Variants in CREG2 observed in about 807,000 individuals in gnomAD.
CREG2 encodes protein CREG2.
CREG2 carries 24 observed loss-of-function variants against 26.2 expected under a neutral mutation model. The ratio of observed to expected loss-of-function variants is 0.92; its 90% confidence interval spans 0.66 to 1.29. The LOEUF is 1.29. Ranked by LOEUF, CREG2 falls within the 50% of genes most tolerant of loss-of-function variation. The pLI is 0.00. For synonymous variants in CREG2, 174 were observed against 169.2 expected (o/e 1.03, Z -0.22); for missense variants, 366 against 398.6 (o/e 0.92, Z 0.70).
At chr2:101,359,497 T>C (rs1684509876) in intron 2 of CREG2, among the ~76,000 whole-genome samples, 1 of 152,228 alleles carries the variant, frequency 6.6e-6, no homozygotes, top group Admixed American at 6.5e-5. Context: ...AGGAAGTCGC[T>C]GATCACCAAC....
intron 2 of CREG2, among the ~76,000 whole-genome samples, chr2:101,371,867 A>G (rs1056925463): frequency 2.0e-5 from 3 of 152,186 alleles, no homozygotes; most frequent in Non-Finnish European, 2.9e-5. Flanking sequence ...GAGTCACAAG[A>G]GAGGAAGACA....
chr2:101,383,721 G>T lies in CREG2; in HGVS notation c.442-19C>A, dbSNP rs762401521. ...CTTGGATCTAACAAACACCAAAAAAGGCTTTTTCAGTGCAGAGCTGTGGCT... is the reference window on the plus strand; with the variant it reads ...CTTGGATCTAACAAACACCAAAAAATGCTTTTTCAGTGCAGAGCTGTGGCT... On this transcript the variant is annotated intron_variant, in intron 1 of 3. Coordinates refer to ENST00000324768, the MANE Select transcript of CREG2 (RefSeq NM_153836.4). 7 of 1,577,436 alleles carry T rather than the reference G, an allele frequency of 4.4e-6. No homozygotes were observed. The South Asian group carries it at 7.1e-5, about 16-fold the overall frequency.
chr2:101,380,135 T>C (rs1476180627), intron 2 of CREG2, among the ~76,000 whole-genome samples: 2 of 152,228 alleles, frequency 1.3e-5, no homozygotes, highest in Non-Finnish European at 1.5e-5. Context: ...TATTTTTCCA[T>C]TTATGTATCT....
Position 101,383,116 on chromosome 2 carries a change from A to G in CREG2, c.611+417T>C, listed in dbSNP as rs192713043. ...GATAGAAATAAATTGGAAAGACAATATATAGACTCTGTGTTGCACGCCTCC... is the reference window on the plus strand; with the variant it reads ...GATAGAAATAAATTGGAAAGACAATGTATAGACTCTGTGTTGCACGCCTCC... On this transcript the variant is annotated intron_variant, in intron 2 of 3. Coordinates refer to ENST00000324768, the MANE Select transcript of CREG2 (RefSeq NM_153836.4). The G allele has an allele frequency of 5.8e-5, 31 of 536,738 alleles. No individual in the cohort carries two copies. The East Asian group carries it at 4.1e-3, about 71-fold the overall frequency. 33.2% of individuals were successfully genotyped at this position (536,738 alleles called of 1,614,324 possible). A position where few individuals can be genotyped will look rare whatever the true frequency, so the allele number is the denominator to read the frequency against.
At position 101,346,808 on chromosome 2, in the gene CREG2, A is replaced by G. The variant is rs1044133702; in HGVS notation, c.*4115T>C. The G allele has an allele frequency of 9.9e-5, 15 of 152,214 alleles. No homozygotes were observed. The highest frequency in any genetic ancestry group is 3.6e-4 in the African/African-American group (15 of 41,444). The allele number at this position is 152,214 out of a possible 1,614,324, so 9.4% of individuals were successfully genotyped here. On this transcript the variant is annotated 3_prime_UTR_variant, in exon 4 of 4. Transcript: ENST00000324768. ...TGTAGATTCACATGCAGTTGTAAGAAATAATACAGAGATCCTGTGTTCTTT... is the reference window on the plus strand; with the variant it reads ...TGTAGATTCACATGCAGTTGTAAGAGATAATACAGAGATCCTGTGTTCTTT...
chr2:101,355,159 C>T (rs370834911), intron 3 of CREG2, 94 bp downstream of exon 3: 3 of 803,106 alleles, frequency 3.7e-6, no homozygotes, highest in East Asian at 2.6e-5. Context: ...AGACCAATCA[C>T]TTATTGCATC....
intron 2 of CREG2, among the ~76,000 whole-genome samples, chr2:101,364,355 C>G (rs1396400570): frequency 6.6e-6 from 1 of 152,144 alleles, no homozygotes; most frequent in Non-Finnish European, 1.5e-5. Flanking sequence ...CTGCTAGATG[C>G]CAGCAGTACC....
At chr2:101,359,635 G>T (rs1281389464) in intron 2 of CREG2, among the ~76,000 whole-genome samples, 1 of 152,164 alleles carries the variant, frequency 6.6e-6, no homozygotes, top group East Asian at 1.9e-4. Context: ...TCCTGGTGGG[G>T]GTGGGATTGG....
chr2:101,358,108 CT>C (rs905570875), intron 2 of CREG2, among the ~76,000 whole-genome samples: 1 of 152,144 alleles, frequency 6.6e-6, no homozygotes, highest in Non-Finnish European at 1.5e-5. Flanking sequence ...ATTCTCCTGC[CT>C]GTTTCCCAAA....
chr2:101,360,461 G>T (rs531889379), intron 2 of CREG2, among the ~76,000 whole-genome samples: 1 of 152,266 alleles, frequency 6.6e-6, no homozygotes, highest in Admixed American at 6.5e-5. Flanking sequence ...AGGGCTGGGT[G>T]CAGTGACTCA....
chr2:101,385,210 ACT>A (rs1199463452), intron 1 of CREG2, among the ~76,000 whole-genome samples: 5 of 152,054 alleles, frequency 3.3e-5, no homozygotes, highest in African/African-American at 7.2e-5. Flanking sequence ...ACAGAGTCTC[ACT>A]CTGTTTGTTG....
At chr2:101,360,548 A>G (rs796175102) in intron 2 of CREG2, among the ~76,000 whole-genome samples, 126 of 152,274 alleles carry the variant, frequency 8.3e-4, no homozygotes, top group African/African-American at 3.0e-3. Context: ...CAGCCTAGCC[A>G]ACATGGGTGA....
rs765427658 is a variant in CREG2, at chr2:101,387,335, G to T, written c.123C>A (p.Ala41=). The change falls in exon 1 of 4, where the codon GCC becomes GCA. Residue 41 remains alanine (A), a synonymous_variant. Transcript: ENST00000324768. This position sits in a 1 kb window ranked among gnomAD's most constrained non-coding sequence, Gnocchi z 4.7. Reference sequence around the variant, plus strand: ...GCTCCTCGTCCACCTCGTTGGTGACGGCCCAAGACACGGAGCTCACGATCA... The same window carrying T: ...GCTCCTCGTCCACCTCGTTGGTGACTGCCCAAGACACGGAGCTCACGATCA... The part of the protein sequence containing the change: ...GYVIVSSVSW[A]VTNEVDEELD... 14 of 1,489,686 alleles carry T rather than the reference G, an allele frequency of 9.4e-6. No individual in the cohort carries two copies. The South Asian group carries it at 1.0e-4, about 11-fold the overall frequency. The allele number at this position is 1,489,686 out of a possible 1,614,324, so 92.3% of individuals were successfully genotyped here.
In CREG2 at chr2:101,380,801, T is replaced by C. The variant is rs186436740; in HGVS notation, c.611+2732A>G. Among the ~76,000 whole-genome samples, 107 of 152,032 alleles carry C rather than the reference T, an allele frequency of 7.0e-4. 1 individual carries two copies. Among genetic ancestry groups the C allele is most frequent in the Non-Finnish European group, 1.2e-3 (80 of 67,980 alleles). The stretch of plus-strand genomic sequence containing the variant: ...TACTAAAAAAAATACAAAAATTAGC[T>C]GGGCATGTTTCATGTGCCTGTAATC... On this transcript the variant is annotated intron_variant, in intron 2 of 3. Coordinates refer to ENST00000324768, the MANE Select transcript of CREG2 (RefSeq NM_153836.4).
At chr2:101,357,050 G>A (rs922592232) in intron 2 of CREG2, among the ~76,000 whole-genome samples, 4 of 152,184 alleles carry the variant, frequency 2.6e-5, no homozygotes, top group South Asian at 2.1e-4. Flanking sequence ...CCACACGCCC[G>A]GCTAATTTTT....
At chr2:101,379,340 C>T (rs1212355245) in intron 2 of CREG2, among the ~76,000 whole-genome samples, 1 of 152,196 alleles carries the variant, frequency 6.6e-6, no homozygotes, top group African/African-American at 2.4e-5. Flanking sequence ...TTTAAGGTCC[C>T]TAGAAAGCTG....
rs114844959 is a variant in CREG2 at position 101,365,406 on chromosome 2, C to G, written c.612-10040G>C. ...TTGGGGAGGCGTCTCACCTCCACCA[C>G]CCTCTACTCCATCCTCCTAGGGATG... On this transcript the variant is annotated intron_variant, in intron 2 of 3. Coordinates refer to ENST00000324768, the MANE Select transcript of CREG2 (RefSeq NM_153836.4). Among the ~76,000 whole-genome samples the G allele has an allele frequency of 7.9e-3, 1,207 of 152,216 alleles. 10 individuals are homozygous for G. The highest frequency in any genetic ancestry group is 0.027 in the African/African-American group (1,134 of 41,532).
intron 3 of CREG2, among the ~76,000 whole-genome samples, chr2:101,353,140 T>C (rs1684408069): frequency 6.6e-6 from 1 of 152,224 alleles, no homozygotes; most frequent in African/African-American, 2.4e-5. Context: ...AAGTTCCTTG[T>C]AGATTTTGGA....
chr2:101,387,420 CCCGGCCGCG>C lies in CREG2; in HGVS notation c.29_37del (p.Ala10_Pro12del). 1 of 1,269,842 alleles carries C rather than the reference CCCGGCCGCG, an allele frequency of 7.9e-7. No individual in the cohort carries two copies. Among genetic ancestry groups the C allele is most frequent in the Non-Finnish European group, 1.0e-6 (1 of 1,004,752 alleles). 78.7% of individuals were successfully genotyped at this position (1,269,842 alleles called of 1,614,324 possible). On this transcript the variant is annotated inframe_deletion, in exon 1 of 4. Coordinates refer to ENST00000324768, the MANE Select transcript of CREG2 (RefSeq NM_153836.4). This position sits in a 1 kb window ranked among gnomAD's most constrained non-coding sequence, Gnocchi z 4.7. Reference sequence around the variant, plus strand: ...GCACAGCAGCCAGGAGAGGCGGGTCCCCGGCCGCGCCGGCCGCCGGCCGCGGCGCACGGA... The same window carrying C: ...GCACAGCAGCCAGGAGAGGCGGGTCCCCGGCCGCCGGCCGCGGCGCACGGA...
Sources: gnomAD v4.1 joint callset for allele counts (sites outside exome capture counted in the v4.1 genomes callset) on GRCh38, gnomAD v4.1.1 for gene constraint, Gnocchi (gnomAD v3.1) non-coding constraint, MANE v1.5 for transcripts, NCBI Gene and HGNC (gene_info 2026-07-23, HGNC 2026-07-21) for gene names.